The following ZNF609 variants were observed in gnomAD, a reference collection of about 807,000 sequenced individuals.
ZNF609 encodes the protein zinc finger protein 609.
Under a neutral mutation model 109.5 loss-of-function variants are expected in ZNF609, and 11 were observed. The ratio of observed to expected loss-of-function variants is 0.10; its 90% CI spans 0.06 to 0.17. ZNF609 has a LOEUF of 0.17. Ranked by LOEUF, ZNF609 falls within the 10% of genes least tolerant of loss-of-function variation. ZNF609 has a pLI of 1.00. For missense variants in ZNF609, 1,559 were observed against 1,772.4 expected (o/e 0.88, Z 2.16); for synonymous variants, 646 against 662.0 (o/e 0.98, Z 0.37).
chr15:64,555,281 C>T lies in ZNF609; in HGVS notation c.747+55115C>T, dbSNP rs145869787. Among the ~76,000 whole-genome samples the T allele has an allele frequency of 7.9e-3, 1,207 of 152,108 alleles. 22 individuals carry two copies. Among genetic ancestry groups the T allele is most frequent in the African/African-American group, 0.028 (1,153 of 41,508 alleles). On this transcript the variant is annotated intron_variant, in intron 2 of 9. Transcript: ENST00000326648. ...ACTCCAGAGGCTGAGATGGGAGGAT[C>T]GCTTGAGCCCAGGAGGTTGAGGCTG...
intron 2 of ZNF609, among the ~76,000 whole-genome samples, chr15:64,563,824 T>A (rs1458876357): frequency 2.6e-5 from 4 of 151,898 alleles, no homozygotes; most frequent in Non-Finnish European, 5.9e-5. Flanking sequence ...CATATATATA[T>A]AATATATATG....
At position 64,541,138 on chromosome 15, in the gene ZNF609, G is replaced by A. The variant is rs28668097; in HGVS notation, c.747+40972G>A. On this transcript the variant is annotated intron_variant, in intron 2 of 9. Transcript: ENST00000326648. ...ATATGGAAAAGCAGAAAAGAATTGC[G>A]TTTTTCTGGCCGGGCGCGGTGGCTC... is the stretch of plus-strand genomic sequence containing the variant. 3.9e-3 allele frequency among the ~76,000 whole-genome samples: 576 copies of A among 148,006 alleles called. 7 individuals are homozygous for A. Among genetic ancestry groups the A allele is most frequent in the African/African-American group, 0.014 (553 of 40,200 alleles).
At chr15:64,566,207 G>A (rs1660725868) in intron 2 of ZNF609, among the ~76,000 whole-genome samples, 1 of 152,202 alleles carries the variant, frequency 6.6e-6, no homozygotes, top group South Asian at 2.1e-4. Context: ...GCTCACACCT[G>A]AAATCCCAGT....
At chr15:64,644,979 CTT>C (rs201480228) in intron 3 of ZNF609, among the ~76,000 whole-genome samples, 5,832 of 128,276 alleles carry the variant, frequency 0.045, 388 homozygotes, top group African/African-American at 0.19. Flanking sequence ...TTCTTTCTTT[CTT>C]TTTCTTTCTT....
intron 1 of ZNF609, among the ~76,000 whole-genome samples, chr15:64,477,453 C>T (rs1893190070): frequency 6.6e-6 from 1 of 151,832 alleles, no homozygotes; most frequent in South Asian, 2.1e-4. Context: ...TTTACTTACC[C>T]TTTTCTAACT....
intron 2 of ZNF609, among the ~76,000 whole-genome samples, chr15:64,604,149 C>T (rs1319462384): frequency 6.6e-6 from 1 of 152,154 alleles, no homozygotes. Context: ...TTACCTCACC[C>T]AACCTTGGGA....
At chr15:64,657,393 A>G (rs1409957275) in intron 3 of ZNF609, among the ~76,000 whole-genome samples, 1 of 151,930 alleles carries the variant, frequency 6.6e-6, no homozygotes, top group East Asian at 1.9e-4. Context: ...GGGCAGATGG[A>G]TCATGAGGTC....
At chr15:64,664,714 C>T (rs1241498956) in intron 3 of ZNF609, among the ~76,000 whole-genome samples, 1 of 152,200 alleles carries the variant, frequency 6.6e-6, no homozygotes. Context: ...GACATTTAAA[C>T]AAGCCTCCAT....
intron 2 of ZNF609, among the ~76,000 whole-genome samples, chr15:64,595,857 TAGTA>T (rs1167982839): frequency 2.0e-5 from 3 of 152,328 alleles, no homozygotes; most frequent in East Asian, 3.9e-4. Flanking sequence ...CCTGCTCTCA[TAGTA>T]AGTGTCATTT....
At chr15:64,645,028 C>CCTTCCTTT (rs1567037996) in intron 3 of ZNF609, among the ~76,000 whole-genome samples, 7 of 139,914 alleles carry the variant, frequency 5.0e-5, no homozygotes, top group African/African-American at 1.9e-4. Context: ...TTCCTTCCTT[C>CCTTCCTTT]CTTTCTTCCT....
chr15:64,649,750 A>G (rs924097433), intron 3 of ZNF609, among the ~76,000 whole-genome samples: 1 of 152,198 alleles, frequency 6.6e-6, no homozygotes, highest in Non-Finnish European at 1.5e-5. Context: ...ACATGAATAC[A>G]TGAAGTGGCA....
intron 2 of ZNF609, among the ~76,000 whole-genome samples, chr15:64,534,600 C>T (rs181976250): frequency 6.6e-6 from 1 of 152,020 alleles, no homozygotes; most frequent in Admixed American, 6.5e-5. Flanking sequence ...TAGGCATGAG[C>T]CACCGCGCCT....
chr15:64,678,320 A>T lies in ZNF609; in HGVS notation c.3607A>T (p.Ser1203Cys). 6.2e-7 allele frequency: 1 copy of T among 1,614,098 alleles called. No homozygotes were observed. Among genetic ancestry groups the T allele is most frequent in the African/African-American group, 1.3e-5 (1 of 75,036 alleles). The change falls in exon 6 of 10, where the codon AGC becomes TGC. Residue 1203 changes from serine to cysteine, a missense_variant. This residue lies in a region of ZNF609 where 1,204 missense variants were observed against 1,314.1 expected (regional missense o/e 0.92). Transcript: ENST00000326648. Reference protein sequence around the residue: ...LPTSEESRLGSKEPRPSVHVP... With the variant: ...LPTSEESRLGCKEPRPSVHVP... ...CACGTCAGAGGAGTCTCGCCTTGGG[A>T]GCAAGGAGCCCCGGCCAAGTGTCCA...
chr15:64,502,503 C>T (rs1893576573), intron 2 of ZNF609: 1 of 152,098 alleles, frequency 6.6e-6, no homozygotes. Context: ...ATGATTAGTA[C>T]TATAATTTAT....
chr15:64,663,718 A>G lies in ZNF609; in HGVS notation c.974-6628A>G, dbSNP rs555722251. ...AAGAAGGGAATTGGTCTGAGCATGA[A>G]GGAGCTGAGCATGAAGGTACCAGAT... On this transcript the variant is annotated intron_variant, in intron 3 of 9. Transcript: ENST00000326648. Among the ~76,000 whole-genome samples the G allele has an allele frequency of 2.6e-5, 4 of 152,288 alleles. No individual in the cohort carries two copies. The East Asian group carries it at 7.7e-4, about 29-fold the overall frequency.
intron 5 of ZNF609, among the ~76,000 whole-genome samples, chr15:64,676,659 C>T (rs1206320266): frequency 6.6e-6 from 1 of 152,040 alleles, no homozygotes; most frequent in East Asian, 1.9e-4. Flanking sequence ...GTCTGGAACT[C>T]CTGACCTCAA....
At chr15:64,538,796 C>G (rs576294306) in intron 2 of ZNF609, among the ~76,000 whole-genome samples, 1 of 152,084 alleles carries the variant, frequency 6.6e-6, no homozygotes, top group East Asian at 1.9e-4. Context: ...TCCACTGCCT[C>G]GACCTCCCAA....
At chr15:64,481,044 T>C (rs1160134664) in intron 1 of ZNF609, among the ~76,000 whole-genome samples, 1 of 152,326 alleles carries the variant, frequency 6.6e-6, no homozygotes, top group Admixed American at 6.5e-5. Context: ...ATAATAATTA[T>C]ACCGTGATTA....
Position 64,674,980 on chromosome 15 carries a change from C to T in ZNF609, c.2126C>T (p.Thr709Ile), listed in dbSNP as rs1283929869. ...CTCAAGCCCATTCAGCCCAAGCCCACTGTTATGGGAGAACCTTTCACAGTC... is the reference window on the plus strand; with the variant it reads ...CTCAAGCCCATTCAGCCCAAGCCCATTGTTATGGGAGAACCTTTCACAGTC... ...PQLKPIQPKP[T>I]VMGEPFTVNP... Residue 709 changes from threonine to isoleucine, a missense_variant, in exon 5 of 10, where the codon ACT becomes ATT. By Grantham distance (89) the Thr-to-Ile change is moderately conservative. Around this residue, in one of 4 missense-constraint regions of ZNF609, gnomAD observed 1,204 missense variants for 1,314.1 expected, o/e 0.92. Coordinates refer to ENST00000326648, the MANE Select transcript of ZNF609 (RefSeq NM_015042.2). 1 of 1,614,122 alleles carries T rather than the reference C, an allele frequency of 6.2e-7. No individual in the cohort carries two copies.
Sources: gnomAD v4.1 joint callset for allele counts (sites outside exome capture counted in the v4.1 genomes callset) on GRCh38, gnomAD v4.1.1 for gene constraint, gnomAD v4.1.1 regional missense constraint, MANE v1.5 for transcripts, NCBI Gene and HGNC (gene_info 2026-07-23, HGNC 2026-07-21) for gene names.